Variants in PAPPA2 observed in about 807,000 individuals in gnomAD.
PAPPA2 encodes the protein pappalysin 2.
In PAPPA2, 86 loss-of-function variants were observed where a neutral mutation model predicts 176.4. The observed-to-expected ratio is 0.49, with a 90% CI of 0.41 to 0.58. The LOEUF (loss-of-function observed/expected upper bound fraction) is 0.58. PAPPA2 is among the 20% of genes least tolerant of loss of function. PAPPA2 has a pLI of 0.00. For synonymous variants in PAPPA2, 809 were observed against 852.2 expected (o/e 0.95, Z 0.88); for missense variants, 2,073 against 2,256.9 (o/e 0.92, Z 1.65).
At chr1:176,585,505 G>C (rs1489640949) in intron 2 of PAPPA2, among the ~76,000 whole-genome samples, 4 of 151,902 alleles carry the variant, frequency 2.6e-5, no homozygotes, top group African/African-American at 9.7e-5. Context: ...TGAGTTTATT[G>C]GATCTGAATG....
At chr1:176,603,334 G>A (rs2102664942) in intron 3 of PAPPA2, among the ~76,000 whole-genome samples, 1 of 152,322 alleles carries the variant, frequency 6.6e-6, no homozygotes, top group Non-Finnish European at 1.5e-5. Flanking sequence ...ACTCTGGTTT[G>A]TAATTACTTC....
intron 1 of PAPPA2, among the ~76,000 whole-genome samples, chr1:176,552,854 C>T (rs1651046825): frequency 6.6e-6 from 1 of 152,186 alleles, no homozygotes; most frequent in Non-Finnish European, 1.5e-5. Context: ...GGGGAAAAAC[C>T]CTCTCCTTGG....
At chr1:176,592,563 A>G (rs1310339845) in intron 2 of PAPPA2, among the ~76,000 whole-genome samples, 1 of 152,168 alleles carries the variant, frequency 6.6e-6, no homozygotes, top group Non-Finnish European at 1.5e-5. Flanking sequence ...TTGATAATAG[A>G]CTAGAAGTTC....
chr1:176,595,359 C>T lies in PAPPA2; in HGVS notation c.1755C>T (p.Asn585=). 5.6e-6 allele frequency: 9 copies of T among 1,614,188 alleles called. No homozygotes were observed. Among genetic ancestry groups the T allele is most frequent in the Non-Finnish European group, 7.6e-6 (9 of 1,180,030 alleles). Residue 585 remains asparagine (N), a synonymous_variant, in exon 3 of 23, where the codon AAC becomes AAT. Coordinates refer to ENST00000367662, the MANE Select transcript of PAPPA2 (RefSeq NM_020318.3). The part of the protein sequence containing the change: ...STLRHRVVLV[N]CEPSKIGNDH... ...TGCGACACCGGGTTGTGCTTGTGAA[C>T]TGTGAGCCCAGCAAGATTGGCAATG...
At chr1:176,732,731 G>C (rs540472857) in intron 12 of PAPPA2, among the ~76,000 whole-genome samples, 1 of 152,120 alleles carries the variant, frequency 6.6e-6, no homozygotes, top group Non-Finnish European at 1.5e-5. Flanking sequence ...GCATATTAAG[G>C]TTTGAGGAGC....
chr1:176,829,674 TA>T (rs1349054104), intron 21 of PAPPA2, among the ~76,000 whole-genome samples: 2 of 152,248 alleles, frequency 1.3e-5, no homozygotes, highest in Non-Finnish European at 2.9e-5. Flanking sequence ...CAGCTGCATG[TA>T]ATCTGTCTCT....
chr1:176,806,022 A>G (rs1246712013), intron 21 of PAPPA2, among the ~76,000 whole-genome samples: 1 of 150,948 alleles, frequency 6.6e-6, no homozygotes, highest in African/African-American at 2.4e-5. Flanking sequence ...AAAGGAAGCA[A>G]TTCAATTACA....
chr1:176,582,302 T>C (rs1056236114), intron 2 of PAPPA2, among the ~76,000 whole-genome samples: 3 of 152,196 alleles, frequency 2.0e-5, no homozygotes, highest in African/African-American at 7.2e-5. Context: ...TTGGATGCCT[T>C]TTGTTTTCTT....
At chr1:176,562,394 G>A (rs1010129547) in intron 2 of PAPPA2, among the ~76,000 whole-genome samples, 1 of 152,172 alleles carries the variant, frequency 6.6e-6, no homozygotes, top group Non-Finnish European at 1.5e-5. Flanking sequence ...CAGGCCACGT[G>A]TGGGATCTCT....
chr1:176,714,023 A>G (rs1274092743), intron 12 of PAPPA2, among the ~76,000 whole-genome samples: 1 of 152,178 alleles, frequency 6.6e-6, no homozygotes, highest in African/African-American at 2.4e-5. Flanking sequence ...GACCATAAGG[A>G]TCCCACCAAA....
intron 1 of PAPPA2, among the ~76,000 whole-genome samples, chr1:176,543,732 G>A (rs1650483121): frequency 6.6e-6 from 1 of 152,174 alleles, no homozygotes; most frequent in African/African-American, 2.4e-5. Flanking sequence ...CTCTCCCATG[G>A]TGTAGAGTTG....
intron 11 of PAPPA2, 31 bp downstream of exon 11, chr1:176,710,207 C>T (rs983593859): frequency 6.3e-7 from 1 of 1,595,584 alleles, no homozygotes; most frequent in Admixed American, 1.7e-5. Context: ...AGAGTCGAGC[C>T]TGCGCAAAAT....
At chr1:176,514,405 C>T (rs1322591457) in intron 1 of PAPPA2, among the ~76,000 whole-genome samples, 4 of 152,166 alleles carry the variant, frequency 2.6e-5, no homozygotes, top group African/African-American at 4.8e-5. Context: ...AAGCACCTCC[C>T]ACCAGGCTCC....
chr1:176,638,652 G>T (rs543591353), intron 3 of PAPPA2, among the ~76,000 whole-genome samples: 30 of 151,962 alleles, frequency 2.0e-4, no homozygotes, highest in Non-Finnish European at 4.0e-4. Flanking sequence ...GGAGTGCTGG[G>T]GAGGGCTGAG....
At chr1:176,507,841 C>T (rs1216874183) in intron 1 of PAPPA2, among the ~76,000 whole-genome samples, 2 of 151,958 alleles carry the variant, frequency 1.3e-5, no homozygotes, top group Non-Finnish European at 2.9e-5. Context: ...GTACTATGCT[C>T]ACAACCTGAG....
intron 3 of PAPPA2, among the ~76,000 whole-genome samples, chr1:176,612,502 G>A (rs1654990712): frequency 6.6e-6 from 1 of 152,156 alleles, no homozygotes; most frequent in Admixed American, 6.6e-5. Flanking sequence ...TAGAGTTCTG[G>A]AGCAAGGCCA....
intron 12 of PAPPA2, among the ~76,000 whole-genome samples, chr1:176,737,427 G>T (rs1459845854): frequency 6.6e-6 from 1 of 152,002 alleles, no homozygotes; most frequent in African/African-American, 2.4e-5. Context: ...TTGTATGAGG[G>T]TTCACACTTT....
Position 176,671,095 on chromosome 1 carries a change from A to G in PAPPA2, c.2117A>G (p.Lys706Arg). 3.7e-6 allele frequency: 6 copies of G among 1,613,940 alleles called. No individual in the cohort carries two copies. Among genetic ancestry groups the G allele is most frequent in the Non-Finnish European group, 5.1e-6 (6 of 1,179,866 alleles). The change falls in exon 4 of 23, where the codon AAG becomes AGG. Residue 706 changes from lysine to arginine, a missense_variant. Physicochemically the swap from Lys to Arg is conservative, Grantham distance 26. Transcript: ENST00000367662. ...LAGAATWPWD[K>R]DAVTHLGGIV... ...GGTGCTGCCACCTGGCCTTGGGACAAGGACGCTGTCACTCACCTGGGTAAG... is the reference window on the plus strand; with the variant it reads ...GGTGCTGCCACCTGGCCTTGGGACAGGGACGCTGTCACTCACCTGGGTAAG...
At chr1:176,678,262 C>T (rs1659405588) in intron 4 of PAPPA2, among the ~76,000 whole-genome samples, 1 of 152,090 alleles carries the variant, frequency 6.6e-6, no homozygotes, top group African/African-American at 2.4e-5. Flanking sequence ...ACCTAAACAT[C>T]CAATAATAGG....
Sources: allele counts gnomAD v4.1 joint callset (sites outside exome capture counted in the v4.1 genomes callset), GRCh38; gene constraint gnomAD v4.1.1; transcripts MANE v1.5; gene names NCBI Gene and HGNC (gene_info 2026-07-23, HGNC 2026-07-21).